SPOCK1: variants seen among roughly 807,000 people sequenced by gnomAD.
SPOCK1 encodes SPARC (osteonectin), cwcv and kazal like domains proteoglycan 1.
SPOCK1 carries 23 observed loss-of-function variants against 55.3 expected under a neutral mutation model. That is an observed-to-expected ratio of 0.42 (90% CI 0.30 to 0.59). The LOEUF is 0.59. Ranked by LOEUF, SPOCK1 falls within the 20% of genes least tolerant of loss-of-function variation. SPOCK1 has a pLI of 0.22. For synonymous variants in SPOCK1, 226 were observed against 221.0 expected (o/e 1.02, Z -0.20); for missense variants, 499 against 552.5 (o/e 0.90, Z 0.97).
intron 2 of SPOCK1, among the ~76,000 whole-genome samples, chr5:137,436,849 A>G (rs1327398014): frequency 1.3e-5 from 2 of 152,184 alleles, no homozygotes; most frequent in Non-Finnish European, 2.9e-5. Context: ...TGTGTTTTAT[A>G]CATTTTTACT....
In SPOCK1 at chr5:136,988,470, C is replaced by T; in HGVS notation, c.880G>A (p.Gly294Ser). Reference sequence around the variant, plus strand: ...CACCACTCATTGTTAGAAAGCTTGCCATCCTTGAAGGAGTCACACGAGTTG... The same window carrying T: ...CACCACTCATTGTTAGAAAGCTTGCTATCCTTGAAGGAGTCACACGAGTTG... ...LFNSCDSFKD[G>S]KLSNNEWCYC... The change falls in exon 8 of 11, where the codon GGC (glycine) becomes AGC (serine). Residue 294 changes from glycine to serine, a missense_variant. Transcript: ENST00000394945. 6.2e-7 allele frequency: 1 copy of T among 1,614,116 alleles called. No individual in the cohort carries two copies. Among genetic ancestry groups the T allele is most frequent in the Non-Finnish European group, 8.5e-7 (1 of 1,180,006 alleles).
Position 137,476,921 on chromosome 5 carries a change from T to C in SPOCK1, c.186+21452A>G, listed in dbSNP as rs191195775. On this transcript the variant is annotated intron_variant, in intron 2 of 10. Coordinates refer to ENST00000394945, the MANE Select transcript of SPOCK1 (RefSeq NM_004598.4). ...GCCTGGACAACAGAATGAGACTCTGTCTCAAAAAAAAAAGTCTTATGTATT... is the reference window on the plus strand; with the variant it reads ...GCCTGGACAACAGAATGAGACTCTGCCTCAAAAAAAAAAGTCTTATGTATT... Among the ~76,000 whole-genome samples, 403 of 151,406 alleles carry C rather than the reference T, an allele frequency of 2.7e-3. 1 individual carries two copies. Among genetic ancestry groups the C allele is most frequent in the African/African-American group, 9.4e-3 (388 of 41,298 alleles).
intron 3 of SPOCK1, among the ~76,000 whole-genome samples, chr5:137,143,686 A>G (rs374893607): frequency 1.1e-4 from 16 of 152,204 alleles, no homozygotes; most frequent in African/African-American, 3.6e-4. Context: ...CTTTTTTCCC[A>G]GAGTAAATAA....
intron 7 of SPOCK1, 139 bp downstream of exon 7, chr5:136,992,344 AC>A: frequency 2.8e-6 from 2 of 709,072 alleles, no homozygotes; most frequent in Non-Finnish European, 4.5e-6. Context: ...TTTTAATCCA[AC>A]TTTTTTTTGA....
At chr5:137,151,247 T>C (rs1262470492) in intron 3 of SPOCK1, among the ~76,000 whole-genome samples, 3 of 152,082 alleles carry the variant, frequency 2.0e-5, no homozygotes, top group African/African-American at 7.2e-5. Context: ...CCTATCTCAG[T>C]CTCCTGAAGT....
intron 5 of SPOCK1, among the ~76,000 whole-genome samples, chr5:137,068,289 A>G (rs1752547973): frequency 1.3e-5 from 2 of 152,076 alleles, no homozygotes; most frequent in African/African-American, 2.4e-5. Context: ...CCCTTTAGTA[A>G]GTCTGTATGG....
At chr5:137,418,849 T>C (rs1361309021) in intron 2 of SPOCK1, among the ~76,000 whole-genome samples, 2 of 152,214 alleles carry the variant, frequency 1.3e-5, no homozygotes, top group Non-Finnish European at 2.9e-5. Context: ...ACATTGCTTT[T>C]GGTGTTTTAG....
intron 4 of SPOCK1, among the ~76,000 whole-genome samples, chr5:137,140,035 G>A (rs1001067094): frequency 6.6e-6 from 1 of 152,158 alleles, no homozygotes; most frequent in African/African-American, 2.4e-5. Flanking sequence ...GGATATCAGG[G>A]GCTGTACCCT....
At chr5:137,422,095 T>A (rs992915144) in intron 2 of SPOCK1, among the ~76,000 whole-genome samples, 1 of 152,250 alleles carries the variant, frequency 6.6e-6, no homozygotes, top group Non-Finnish European at 1.5e-5. Context: ...GAGTTGAAAA[T>A]TCTTTTCTCT....
intron 6 of SPOCK1, among the ~76,000 whole-genome samples, chr5:137,055,942 C>G (rs866238921): frequency 7.2e-5 from 11 of 152,174 alleles, no homozygotes; most frequent in South Asian, 2.1e-4. Context: ...GGTGGAGGAA[C>G]CTGCCTCTTT....
intron 2 of SPOCK1, among the ~76,000 whole-genome samples, chr5:137,302,125 C>T (rs1204118415): frequency 6.6e-6 from 1 of 152,156 alleles, no homozygotes; most frequent in Non-Finnish European, 1.5e-5. Flanking sequence ...GTCCACTCCA[C>T]AGAAACGAGA....
chr5:137,264,970 A>G (rs571901575), intron 3 of SPOCK1, among the ~76,000 whole-genome samples: 1 of 152,330 alleles, frequency 6.6e-6, no homozygotes, highest in South Asian at 2.1e-4. Flanking sequence ...TATATCCCAT[A>G]AAGTCATAAG....
rs557111652 is a variant in SPOCK1 at position 137,189,291 on chromosome 5, G to A, written c.233-48597C>T. 2.6e-5 allele frequency among the ~76,000 whole-genome samples: 4 copies of A among 152,340 alleles called. No homozygotes were observed. In the East Asian group the frequency reaches 5.8e-4, roughly 22 times the overall value. ...CATGTTGGACTTTCATAGCTAGAAA[G>A]GAGAAGTCAATGCCTGGCTTCCAAG... On this transcript the variant is annotated intron_variant, in intron 3 of 10. Coordinates refer to ENST00000394945, the MANE Select transcript of SPOCK1 (RefSeq NM_004598.4).
At chr5:137,486,810 G>GGATA (rs1754067397) in intron 2 of SPOCK1, among the ~76,000 whole-genome samples, 1 of 152,190 alleles carries the variant, frequency 6.6e-6, no homozygotes, top group South Asian at 2.1e-4. Context: ...TCTTTACTGT[G>GGATA]GATAGAATTT....
intron 5 of SPOCK1, among the ~76,000 whole-genome samples, chr5:137,073,876 A>C (rs1752671341): frequency 6.6e-6 from 1 of 152,234 alleles, no homozygotes; most frequent in Non-Finnish European, 1.5e-5. Context: ...TTATTATTAC[A>C]CAAAGAAGAA....
At position 137,160,616 on chromosome 5, in the gene SPOCK1, T is replaced by TATATA. The variant is rs1561631823; in HGVS notation, c.233-19927_233-19923dup. Among the ~76,000 whole-genome samples the TATATA allele has an allele frequency of 4.5e-3, 266 of 58,934 alleles. 3 individuals carry two copies. Among genetic ancestry groups the TATATA allele is most frequent in the African/African-American group, 0.022 (261 of 11,606 alleles). 38.7% of individuals were successfully genotyped at this position (58,934 alleles called of 152,430 possible). A position where few individuals can be genotyped will look rare whatever the true frequency, so the allele number is the denominator to read the frequency against. ...ATAATATATTATATATAATATATAA[T>TATATA]ATATATTTTATATAATATATAATAT... is the stretch of plus-strand genomic sequence containing the variant. On this transcript the variant is annotated intron_variant, in intron 3 of 10. Coordinates refer to ENST00000394945, the MANE Select transcript of SPOCK1 (RefSeq NM_004598.4).
intron 6 of SPOCK1, among the ~76,000 whole-genome samples, chr5:137,021,289 T>C (rs1172150506): frequency 1.3e-5 from 2 of 152,180 alleles, no homozygotes; most frequent in Non-Finnish European, 2.9e-5. Flanking sequence ...TGATTCCATC[T>C]ACAAAAATAT....
intron 2 of SPOCK1, among the ~76,000 whole-genome samples, chr5:137,489,676 C>G (rs1329434615): frequency 6.6e-6 from 1 of 152,242 alleles, no homozygotes; most frequent in African/African-American, 2.4e-5. Flanking sequence ...CCCCTGCCCC[C>G]AAATGTGTGT....
At chr5:137,156,094 G>A (rs991581097) in intron 3 of SPOCK1, among the ~76,000 whole-genome samples, 3 of 152,210 alleles carry the variant, frequency 2.0e-5, no homozygotes, top group Admixed American at 6.5e-5. Flanking sequence ...AGATAGGGTA[G>A]CACCACAATG....
Sources: allele counts gnomAD v4.1 joint callset (sites outside exome capture counted in the v4.1 genomes callset), GRCh38; gene constraint gnomAD v4.1.1; transcripts MANE v1.5; gene names NCBI Gene and HGNC (gene_info 2026-07-23, HGNC 2026-07-21).